Variants in PTPRJ observed in about 807,000 individuals in gnomAD.
The protein encoded by PTPRJ is receptor-type tyrosine-protein phosphatase eta.
PTPRJ carries 129 observed loss-of-function variants against 141.3 expected under a neutral mutation model. That is an observed-to-expected ratio of 0.91 (90% CI 0.79 to 1.06). PTPRJ has a LOEUF of 1.06. Among genes scored for constraint, PTPRJ ranks in the 50% least tolerant of loss-of-function variants. PTPRJ has a pLI of 0.00. For synonymous variants in PTPRJ, 610 were observed against 640.5 expected, an observed-to-expected ratio of 0.95 and a Z score of 0.72; for missense variants, 1,601 against 1,679.7, an observed-to-expected ratio of 0.95 and a Z score of 0.82.
At chr11:48,049,862 C>T (rs1308097182) in intron 1 of PTPRJ, among the ~76,000 whole-genome samples, 3 of 152,180 alleles carry the variant, frequency 2.0e-5, no homozygotes, top group Non-Finnish European at 4.4e-5. Flanking sequence ...AATTACACTG[C>T]AGGCCTTTTG....
At chr11:48,085,560 G>A (rs1275509909) in intron 1 of PTPRJ, among the ~76,000 whole-genome samples, 1 of 152,092 alleles carries the variant, frequency 6.6e-6, no homozygotes, top group Non-Finnish European at 1.5e-5. Context: ...GGCCAGGCTG[G>A]TCTCGAACTC....
At chr11:48,055,197 A>AAATT (rs1555037224) in intron 1 of PTPRJ, among the ~76,000 whole-genome samples, 3 of 151,852 alleles carry the variant, frequency 2.0e-5, no homozygotes, top group African/African-American at 7.3e-5. Flanking sequence ...AAATAAAAAA[A>AAATT]AAATAAATAA....
Position 48,155,686 on chromosome 11 carries a change from C to T in PTPRJ, c.3230-115C>T. On this transcript the variant is annotated intron_variant, in intron 19 of 24. Transcript: ENST00000418331. The stretch of plus-strand genomic sequence containing the variant: ...TATGAAATGCCACACTGTGCATCTT[C>T]AAAGACACAAGTCCCAGTTTTGCCA... 3.7e-6 allele frequency: 3 copies of T among 821,744 alleles called. No individual in the cohort carries two copies. The Admixed American group carries it at 8.0e-5, about 22-fold the overall frequency. The allele number at this position is 821,744 out of a possible 1,614,324, so 50.9% of individuals were successfully genotyped here.
intron 19 of PTPRJ, 75 bp downstream of exon 19, chr11:48,153,961 G>A: frequency 9.6e-7 from 1 of 1,039,842 alleles, no homozygotes; most frequent in Non-Finnish European, 1.5e-6. Context: ...AGAGGGGAGG[G>A]AATCAGTGAT....
At position 48,023,511 on chromosome 11, in the gene PTPRJ, C is replaced by T. The variant is rs144751987; in HGVS notation, c.96+42503C>T. On this transcript the variant is annotated intron_variant, in intron 1 of 24. Coordinates refer to ENST00000418331, the MANE Select transcript of PTPRJ (RefSeq NM_002843.4). ...AAAGTGGGAATTTACCGGCCGGGTG[C>T]GGTGGCTCATGCCTGTAATCCCAGC... Among the ~76,000 whole-genome samples, 533 of 152,190 alleles carry T rather than the reference C, an allele frequency of 3.5e-3. 5 individuals are homozygous for T. The highest frequency in any genetic ancestry group is 0.012 in the African/African-American group (513 of 41,518).
chr11:48,033,192 A>C (rs1398853985), intron 1 of PTPRJ, among the ~76,000 whole-genome samples: 1 of 152,160 alleles, frequency 6.6e-6, no homozygotes, highest in Non-Finnish European at 1.5e-5. Flanking sequence ...GGGCCATAGG[A>C]AACAGCTGGT....
chr11:48,040,894 G>A (rs897388350), intron 1 of PTPRJ, among the ~76,000 whole-genome samples: 1 of 152,104 alleles, frequency 6.6e-6, no homozygotes, highest in Non-Finnish European at 1.5e-5. Flanking sequence ...GAGCCACCAT[G>A]CCCCTCTTAC....
chr11:48,051,248 C>T (rs1276459672), intron 1 of PTPRJ, among the ~76,000 whole-genome samples: 1 of 151,954 alleles, frequency 6.6e-6, no homozygotes, highest in Non-Finnish European at 1.5e-5. Flanking sequence ...GTGCGCACCA[C>T]CACGCCTGGC....
intron 1 of PTPRJ, among the ~76,000 whole-genome samples, chr11:47,985,188 C>T (rs1854018049): frequency 6.6e-6 from 1 of 151,858 alleles, no homozygotes; most frequent in African/African-American, 2.4e-5. Context: ...TGCTTTGTCA[C>T]CCAGGCTGGA....
intron 1 of PTPRJ, among the ~76,000 whole-genome samples, chr11:47,999,825 C>A (rs1854441552): frequency 6.6e-6 from 1 of 151,152 alleles, no homozygotes; most frequent in Non-Finnish European, 1.5e-5. Flanking sequence ...AAATGCCACC[C>A]ATATGCTAGT....
chr11:48,107,177 T>G (rs1213896915), intron 1 of PTPRJ, among the ~76,000 whole-genome samples: 1 of 152,056 alleles, frequency 6.6e-6, no homozygotes, highest in Non-Finnish European at 1.5e-5. Context: ...CCATTTCTTT[T>G]TCTCTGAGGC....
chr11:48,126,774 C>T (rs1423749592), intron 6 of PTPRJ, among the ~76,000 whole-genome samples: 2 of 128,792 alleles, frequency 1.6e-5, no homozygotes, highest in Admixed American at 1.6e-4. Context: ...CAGTCTGTTG[C>T]AACACACACA....
intron 5 of PTPRJ, 100 bp from the exon 6 acceptor site, chr11:48,124,868 A>C (rs1341657316): frequency 9.1e-7 from 1 of 1,096,808 alleles, no homozygotes; most frequent in Non-Finnish European, 1.4e-6. Context: ...AACTGTGGCC[A>C]CTGTCTGATG....
intron 1 of PTPRJ, among the ~76,000 whole-genome samples, chr11:47,991,398 C>T (rs1237112415): frequency 1.3e-5 from 2 of 152,100 alleles, no homozygotes; most frequent in African/African-American, 2.4e-5. Context: ...TTTTCTGTGG[C>T]GGTCAAGAGG....
chr11:48,136,023 C>A lies in PTPRJ; in HGVS notation c.1616-16C>A. 2 of 1,607,160 alleles carry A rather than the reference C, an allele frequency of 1.2e-6. No homozygotes were observed. Among genetic ancestry groups the A allele is most frequent in the Non-Finnish European group, 1.7e-6 (2 of 1,174,742 alleles). ...ATAGTAACAGTTTTCCCTTCTCCTT[C>A]CTTTCTTCTGAGCAGTTCCCAGTGC... On this transcript the variant is annotated splice_polypyrimidine_tract_variant and intron_variant, in intron 8 of 24. Transcript: ENST00000418331.
rs114418558 is a variant in PTPRJ at position 48,149,378 on chromosome 11, A to G, written c.3000-69A>G. 9.0e-4 allele frequency: 936 copies of G among 1,043,774 alleles called. 9 individuals carry two copies. In the African/African-American group the frequency reaches 0.014, roughly 15 times the overall value. 64.7% of individuals were successfully genotyped at this position (1,043,774 alleles called of 1,614,324 possible). ...TTATTTCATAGATGACATCAACTCCAGATACACAAGGGAAAAGCACAGGAA... is the reference window on the plus strand; with the variant it reads ...TTATTTCATAGATGACATCAACTCCGGATACACAAGGGAAAAGCACAGGAA... On this transcript the variant is annotated intron_variant, in intron 15 of 24. Coordinates refer to ENST00000418331, the MANE Select transcript of PTPRJ (RefSeq NM_002843.4).
In PTPRJ at chr11:48,139,586, G is replaced by C; in HGVS notation, c.2253G>C (p.Glu751Asp). ...TCPPGANAGFELEVSSGAWNN... is the reference protein window; with the variant it reads ...TCPPGANAGFDLEVSSGAWNN... ...CTCCTGGCGCCAATGCAGGCTTTGA[G>C]CTGGAGGTCAGCAGTGGAGCCTGGA... The change falls in exon 11 of 25, where the codon GAG becomes GAC. Residue 751 changes from glutamate (E) to aspartate (D), a missense_variant. Coordinates refer to ENST00000418331, the MANE Select transcript of PTPRJ (RefSeq NM_002843.4). The C allele has an allele frequency of 6.2e-7, 1 of 1,614,270 alleles. No homozygotes were observed. The highest frequency in any genetic ancestry group is 2.2e-5 in the East Asian group (1 of 44,880).
At chr11:48,016,858 A>G (rs1238052429) in intron 1 of PTPRJ, among the ~76,000 whole-genome samples, 2 of 152,178 alleles carry the variant, frequency 1.3e-5, no homozygotes, top group African/African-American at 4.8e-5. Context: ...TACATACATT[A>G]TCTTAATGAA....
At chr11:48,161,650 T>C (rs1857781380) in intron 22 of PTPRJ, among the ~76,000 whole-genome samples, 1 of 152,072 alleles carries the variant, frequency 6.6e-6, no homozygotes, top group Admixed American at 6.6e-5. Context: ...TCTCTCTCTG[T>C]CATCCAGGCT....
Sources: gnomAD v4.1 joint callset for allele counts (sites outside exome capture counted in the v4.1 genomes callset) on GRCh38, gnomAD v4.1.1 for gene constraint, MANE v1.5 for transcripts, NCBI Gene and HGNC (gene_info 2026-07-23, HGNC 2026-07-21) for gene names.